The following DNAAF10 variants were observed in gnomAD, a reference collection of about 807,000 sequenced individuals.
DNAAF10 encodes dynein axonemal assembly factor 10.
DNAAF10 carries 28 observed loss-of-function variants against 43.7 expected under a neutral mutation model. The ratio of observed to expected loss-of-function variants is 0.64; its 90% confidence interval spans 0.48 to 0.88. The LOEUF is 0.88. Ranked by LOEUF, DNAAF10 falls within the 40% of genes least tolerant of loss-of-function variation. The pLI is 0.00. For missense variants in DNAAF10, 403 were observed against 439.1 expected (o/e 0.92, Z 0.73); for synonymous variants, 156 against 157.3 (o/e 0.99, Z 0.06).
chr2:68,132,429 CA>C (rs1558605533), intron 7 of DNAAF10, among the ~76,000 whole-genome samples: 2 of 152,186 alleles, frequency 1.3e-5, no homozygotes. Flanking sequence ...GGTTTAAATA[CA>C]GACACCTTTC....
At chr2:68,155,089 G>C (rs914573418) in intron 1 of DNAAF10, among the ~76,000 whole-genome samples, 12 of 151,464 alleles carry the variant, frequency 7.9e-5, no homozygotes, top group Non-Finnish European at 1.6e-4. Context: ...ATTTTAAAAA[G>C]TCACAGGTCT....
At chr2:68,156,989 C>T (rs928096273) in intron 1 of DNAAF10, 3 of 530,800 alleles carry the variant, frequency 5.7e-6, no homozygotes, top group South Asian at 2.3e-5. Context: ...TAGGTTGCCT[C>T]TTCCAACCAC....
rs532937820 is a variant in DNAAF10, at chr2:68,147,222, G to A, written c.284+245C>T. 1.1e-4 allele frequency among the ~76,000 whole-genome samples: 17 copies of A among 152,226 alleles called. 1 individual carries two copies. In the East Asian group the frequency reaches 1.5e-3, roughly 14 times the overall value. Reference sequence around the variant, plus strand: ...GCATTAAATGCTAGCACCAAACTGCGTGTGTGAAAATAAGCATTGATAATA... The same window carrying A: ...GCATTAAATGCTAGCACCAAACTGCATGTGTGAAAATAAGCATTGATAATA... On this transcript the variant is annotated intron_variant, in intron 2 of 7. Coordinates refer to ENST00000295121, the MANE Select transcript of DNAAF10 (RefSeq NM_138458.4).
rs1298303642 is a variant in DNAAF10 at position 68,143,754 on chromosome 2, T to A, written c.415+831A>T. 3.3e-5 allele frequency among the ~76,000 whole-genome samples: 5 copies of A among 152,208 alleles called. No homozygotes were observed. In the East Asian group the frequency reaches 9.6e-4, roughly 29 times the overall value. ...AAATTCATATTCACACTTATAACTA[T>A]GCAAAATTATATATAAGACCTAAAA... On this transcript the variant is annotated intron_variant, in intron 3 of 7. Coordinates refer to ENST00000295121, the MANE Select transcript of DNAAF10 (RefSeq NM_138458.4).
At chr2:68,142,088 G>A (rs572798870) in intron 3 of DNAAF10, among the ~76,000 whole-genome samples, 5 of 152,288 alleles carry the variant, frequency 3.3e-5, no homozygotes, top group East Asian at 3.9e-4. Flanking sequence ...TGAATGTTAC[G>A]TAATTCAAAT....
chr2:68,153,657 A>G (rs1673510283), intron 1 of DNAAF10, among the ~76,000 whole-genome samples: 1 of 152,048 alleles, frequency 6.6e-6, no homozygotes, highest in African/African-American at 2.4e-5. Context: ...ATCCTGATGC[A>G]CAGTAAGGAG....
chr2:68,134,595 A>C (rs1672992602), intron 7 of DNAAF10, 107 bp downstream of exon 7: 2 of 1,545,750 alleles, frequency 1.3e-6, no homozygotes, highest in Non-Finnish European at 1.7e-6. Flanking sequence ...AATCATATCA[A>C]AATGAACTAA....
chr2:68,133,004 T>G (rs1672956959), intron 7 of DNAAF10, among the ~76,000 whole-genome samples: 1 of 152,186 alleles, frequency 6.6e-6, no homozygotes, highest in African/African-American at 2.4e-5. Context: ...CTAAAGAGTT[T>G]GGTCACCAAG....
At chr2:68,149,060 G>C (rs117267175) in intron 1 of DNAAF10, among the ~76,000 whole-genome samples, 19 of 152,240 alleles carry the variant, frequency 1.2e-4, no homozygotes, top group African/African-American at 4.6e-4. Flanking sequence ...ATCCCTCCCA[G>C]GTTGGCCTGT....
rs1442854449 is a variant in DNAAF10, at chr2:68,134,818, A to G, written c.769-19T>C. 6.2e-7 allele frequency: 1 copy of G among 1,613,512 alleles called. No homozygotes were observed. Among genetic ancestry groups the G allele is most frequent in the Non-Finnish European group, 8.5e-7 (1 of 1,179,830 alleles). ...TATGAGCCTAAATAGAACAAGAGGC[A>G]TACAACTGGTTTATATGCTAAATGG... On this transcript the variant is annotated intron_variant, in intron 6 of 7. Transcript: ENST00000295121.
chr2:68,152,607 T>C (rs1031504323), intron 1 of DNAAF10, among the ~76,000 whole-genome samples: 4 of 152,196 alleles, frequency 2.6e-5, no homozygotes, highest in African/African-American at 9.7e-5. Flanking sequence ...AAAATTTTTC[T>C]TGCTGGAAAA....
intron 2 of DNAAF10, among the ~76,000 whole-genome samples, chr2:68,147,001 T>C (rs763647071): frequency 3.9e-5 from 6 of 152,208 alleles, no homozygotes; most frequent in Admixed American, 6.5e-5. Flanking sequence ...AAAAAGTTTA[T>C]TTTGATTTGT....
intron 1 of DNAAF10, among the ~76,000 whole-genome samples, chr2:68,154,769 A>G (rs1349675052): frequency 6.6e-6 from 1 of 151,682 alleles, no homozygotes; most frequent in East Asian, 1.9e-4. Context: ...CAAATCATAT[A>G]TTTTCATTTT....
intron 4 of DNAAF10, among the ~76,000 whole-genome samples, chr2:68,140,783 A>G (rs906286762): frequency 3.3e-5 from 5 of 152,160 alleles, no homozygotes; most frequent in Admixed American, 6.5e-5. Flanking sequence ...GGCCCTCCCT[A>G]TCCATGGGTT....
Position 68,144,663 on chromosome 2 carries a change from T to C in DNAAF10, c.337A>G (p.Ile113Val), listed in dbSNP as rs201071865. The part of the protein sequence containing the change: ...PVYSVKGHKE[I>V]INAIDGIGGL... ...CCTATGCCATCTATGGCATTTATAA[T>C]TTCTTTATGGCCCTTTACAGAATAT... is the stretch of plus-strand genomic sequence containing the variant. Residue 113 changes from isoleucine (I) to valine (V), a missense_variant, in exon 3 of 8, where the codon ATT becomes GTT. Ile to Val is a conservative substitution (Grantham distance 29, BLOSUM62 3). Coordinates refer to ENST00000295121, the MANE Select transcript of DNAAF10 (RefSeq NM_138458.4). 57 of 1,613,952 alleles carry C rather than the reference T, an allele frequency of 3.5e-5. No individual in the cohort carries two copies. Among genetic ancestry groups the C allele is most frequent in the Non-Finnish European group, 4.5e-5 (53 of 1,180,026 alleles).
chr2:68,151,655 G>C (rs1343211133), intron 1 of DNAAF10, among the ~76,000 whole-genome samples: 1 of 152,098 alleles, frequency 6.6e-6, no homozygotes, highest in African/African-American at 2.4e-5. Flanking sequence ...CCTAACACTA[G>C]GGACAGACAA....
At chr2:68,156,397 T>A (rs1335872811) in intron 1 of DNAAF10, among the ~76,000 whole-genome samples, 1 of 152,198 alleles carries the variant, frequency 6.6e-6, no homozygotes, top group Non-Finnish European at 1.5e-5. Context: ...CCTGATCTGA[T>A]AATGACTGAT....
At chr2:68,147,362 T>C in intron 2 of DNAAF10, 105 bp downstream of exon 2, 5 of 810,842 alleles carry the variant, frequency 6.2e-6, no homozygotes, top group South Asian at 5.0e-5. Flanking sequence ...AAATGGAACA[T>C]AGAAAGATTT....
chr2:68,132,126 C>T (rs555485985), intron 7 of DNAAF10: 1 of 152,258 alleles, frequency 6.6e-6, no homozygotes, highest in East Asian at 1.9e-4. Flanking sequence ...CCTATTTGGT[C>T]TAGATTTGAA....
Sources: gnomAD v4.1 joint callset for allele counts (sites outside exome capture counted in the v4.1 genomes callset) on GRCh38, gnomAD v4.1.1 for gene constraint, MANE v1.5 for transcripts, NCBI Gene and HGNC (gene_info 2026-07-23, HGNC 2026-07-21) for gene names.